B3GALT1: variants seen among roughly 807,000 people sequenced by gnomAD.
The protein encoded by B3GALT1 is UDP-Gal:betaGlcNAc beta 1,3-galactosyltransferase, polypeptide 1.
In B3GALT1, 10 loss-of-function variants were observed where a neutral mutation model predicts 23.2. The observed-to-expected ratio is 0.43, with a 90% CI of 0.27 to 0.73. B3GALT1 has a LOEUF of 0.73. B3GALT1 is among the 30% of genes least tolerant of loss of function. The pLI is 0.21. For synonymous variants in B3GALT1, 156 were observed against 141.5 expected (o/e 1.10, Z -0.73); for missense variants, 299 against 405.4 (o/e 0.74, Z 2.25).
chr2:167,580,278 T>G (rs1448437825), intron 2 of B3GALT1, among the ~76,000 whole-genome samples: 1 of 152,162 alleles, frequency 6.6e-6, no homozygotes, highest in Non-Finnish European at 1.5e-5. Flanking sequence ...TTTGCTTTAG[T>G]TACTCTAAAA....
At chr2:167,404,713 G>A (rs149061381) in intron 1 of B3GALT1, among the ~76,000 whole-genome samples, 3 of 152,274 alleles carry the variant, frequency 2.0e-5, no homozygotes, top group Non-Finnish European at 2.9e-5. Context: ...TAACAAGAGC[G>A]TTTTACCTTC....
intron 3 of B3GALT1, among the ~76,000 whole-genome samples, chr2:167,777,913 A>G (rs2105316490): frequency 6.6e-6 from 1 of 151,994 alleles, no homozygotes; most frequent in African/African-American, 2.4e-5. Flanking sequence ...TGGTTGTCAC[A>G]TCCAACAGGA....
chr2:167,444,385 A>G (rs1056084786), intron 1 of B3GALT1, among the ~76,000 whole-genome samples: 4 of 152,212 alleles, frequency 2.6e-5, no homozygotes, highest in African/African-American at 4.8e-5. Flanking sequence ...GCCTCATACA[A>G]TGAGTTAGGG....
At chr2:167,672,120 A>G (rs565238604) in intron 3 of B3GALT1, among the ~76,000 whole-genome samples, 4 of 152,222 alleles carry the variant, frequency 2.6e-5, no homozygotes, top group African/African-American at 9.6e-5. Flanking sequence ...CAAACTAAAT[A>G]ATGTATTTGA....
intron 1 of B3GALT1, among the ~76,000 whole-genome samples, chr2:167,341,479 T>C (rs1210698319): frequency 1.3e-5 from 2 of 152,276 alleles, no homozygotes; most frequent in African/African-American, 4.8e-5. Flanking sequence ...CTGGCCAATG[T>C]GGCGAAACCC....
intron 3 of B3GALT1, among the ~76,000 whole-genome samples, chr2:167,666,477 A>C (rs1558942273): frequency 6.6e-6 from 1 of 151,952 alleles, no homozygotes; most frequent in Non-Finnish European, 1.5e-5. Flanking sequence ...CGCTTGGTGC[A>C]GGGCTGAGTT....
intron 3 of B3GALT1, among the ~76,000 whole-genome samples, chr2:167,678,063 G>A (rs562769795): frequency 6.6e-6 from 1 of 152,236 alleles, no homozygotes; most frequent in Non-Finnish European, 1.5e-5. Flanking sequence ...GATTTTGGAT[G>A]GGGACACAGT....
intron 3 of B3GALT1, among the ~76,000 whole-genome samples, chr2:167,667,804 C>T (rs1334561056): frequency 1.3e-5 from 2 of 152,208 alleles, no homozygotes; most frequent in Non-Finnish European, 2.9e-5. Context: ...TCCATCAGAT[C>T]CTTTAAGCAC....
intron 1 of B3GALT1, among the ~76,000 whole-genome samples, chr2:167,310,032 GT>G (rs558785148): frequency 1.0e-3 from 155 of 152,122 alleles, no homozygotes; most frequent in African/African-American, 3.6e-3. Flanking sequence ...CAAGCAAACT[GT>G]TTTCATTTAT....
intron 3 of B3GALT1, among the ~76,000 whole-genome samples, chr2:167,683,971 T>C (rs1686576507): frequency 6.6e-6 from 1 of 152,198 alleles, no homozygotes; most frequent in Non-Finnish European, 1.5e-5. Context: ...CCAATCTCTT[T>C]CTTACTCATC....
chr2:167,715,903 C>T (rs1465172603), intron 3 of B3GALT1: 3 of 1,613,452 alleles, frequency 1.9e-6, no homozygotes, highest in East Asian at 2.2e-5. Flanking sequence ...AAAAGGAGAA[C>T]AACAAAAAAT....
chr2:167,714,750 C>T, intron 3 of B3GALT1: 2 of 1,613,864 alleles, frequency 1.2e-6, no homozygotes, highest in Non-Finnish European at 1.7e-6. Context: ...AATTCTTCTT[C>T]AAGATCTTTG....
chr2:167,791,754 C>T (rs1688440964), intron 3 of B3GALT1, among the ~76,000 whole-genome samples: 4 of 152,010 alleles, frequency 2.6e-5, no homozygotes, highest in African/African-American at 9.7e-5. Context: ...TACCCTTAAC[C>T]AAAATTGTAT....
chr2:167,702,827 A>C (rs1190363657), intron 3 of B3GALT1, among the ~76,000 whole-genome samples: 1 of 152,234 alleles, frequency 6.6e-6, no homozygotes, highest in Non-Finnish European at 1.5e-5. Flanking sequence ...CATAGTTTAT[A>C]ATGACAAGAA....
chr2:167,770,788 C>T (rs1178594479), intron 3 of B3GALT1, among the ~76,000 whole-genome samples: 1 of 152,066 alleles, frequency 6.6e-6, no homozygotes, highest in African/African-American at 2.4e-5. Flanking sequence ...AGGAAGTACT[C>T]TGTGAATTCT....
At chr2:167,436,395 T>C (rs1029552519) in intron 1 of B3GALT1, among the ~76,000 whole-genome samples, 3 of 152,146 alleles carry the variant, frequency 2.0e-5, no homozygotes, top group African/African-American at 7.2e-5. Context: ...GCTCCCTCAT[T>C]ACTTTCAGGT....
At chr2:167,845,858 TAAAAGAAGTGAGAGGAG>T (rs1324065298) in intron 4 of B3GALT1, among the ~76,000 whole-genome samples, 2 of 150,482 alleles carry the variant, frequency 1.3e-5, no homozygotes, top group Admixed American at 6.6e-5. Context: ...CAAAAAACAA[TAAAAGAAGTGAGAGGAG>T]AAATATTCAA....
At chr2:167,669,757 G>C (rs143817397) in intron 3 of B3GALT1, among the ~76,000 whole-genome samples, 3 of 152,100 alleles carry the variant, frequency 2.0e-5, no homozygotes, top group African/African-American at 7.2e-5. Context: ...ATATATATAA[G>C]AGAGACCCCC....
At chr2:167,613,227 G>A (rs989232154) in intron 2 of B3GALT1, among the ~76,000 whole-genome samples, 13 of 151,744 alleles carry the variant, frequency 8.6e-5, no homozygotes, top group African/African-American at 1.9e-4. Context: ...TAATGTTAAC[G>A]AAGTTTATCA....
Sources: gnomAD v4.1 joint callset for allele counts (sites outside exome capture counted in the v4.1 genomes callset) on GRCh38, gnomAD v4.1.1 for gene constraint, MANE v1.5 for transcripts, NCBI Gene and HGNC (gene_info 2026-07-23, HGNC 2026-07-21) for gene names.